Variants in CALN1 observed in about 807,000 individuals in gnomAD.
CALN1 encodes the protein calneuron 1.
Under a neutral mutation model 30.6 loss-of-function variants are expected in CALN1, and 17 were observed. The ratio of observed to expected loss-of-function variants is 0.56; its 90% confidence interval spans 0.38 to 0.83. The LOEUF (loss-of-function observed/expected upper bound fraction) is 0.83, where lower values mean the gene tolerates loss of function less well. CALN1 is among the 40% of genes least tolerant of loss of function. The pLI is 0.00. For missense variants in CALN1, 291 were observed against 354.9 expected (o/e 0.82, Z 1.45); for synonymous variants, 156 against 131.4 (o/e 1.19, Z -1.28).
At position 71,995,173 on chromosome 7, in the gene CALN1, C is replaced by T. The variant is rs115507315; in HGVS notation, c.501+28484G>A. On this transcript the variant is annotated intron_variant, in intron 5 of 6. Transcript: ENST00000395275. Reference sequence around the variant, plus strand: ...GGCGCCCCTTCCTAATTTTTTATTACGCACATGGGTTCTCTACCTGCCCAG... The same window carrying T: ...GGCGCCCCTTCCTAATTTTTTATTATGCACATGGGTTCTCTACCTGCCCAG... Among the ~76,000 whole-genome samples the T allele has an allele frequency of 2.5e-3, 375 of 152,228 alleles. 1 individual carries two copies. Among genetic ancestry groups the T allele is most frequent in the African/African-American group, 8.6e-3 (358 of 41,574 alleles).
chr7:72,419,321 G>A (rs1807534294), intron 1 of CALN1, among the ~76,000 whole-genome samples: 2 of 152,028 alleles, frequency 1.3e-5, no homozygotes, highest in African/African-American at 4.8e-5. Flanking sequence ...ATATCCACTG[G>A]CACAGTCACT....
chr7:72,287,587 C>T (rs1798172539), intron 2 of CALN1, among the ~76,000 whole-genome samples: 1 of 151,796 alleles, frequency 6.6e-6, no homozygotes, highest in Non-Finnish European at 1.5e-5. Flanking sequence ...GCTGGGACTA[C>T]TGGCGCCCGC....
intron 2 of CALN1, among the ~76,000 whole-genome samples, chr7:72,376,503 T>C (rs192051579): frequency 6.6e-6 from 1 of 152,344 alleles, no homozygotes; most frequent in East Asian, 1.9e-4. Flanking sequence ...TGACTACTTG[T>C]GTATCTTCTT....
chr7:72,186,855 TAGTGCTGC>T (rs1320222805), intron 3 of CALN1, among the ~76,000 whole-genome samples: 2 of 149,872 alleles, frequency 1.3e-5, no homozygotes, highest in Non-Finnish European at 1.5e-5. Flanking sequence ...CTATTGTGAA[TAGTGCTGC>T]AATAAACATA....
chr7:72,362,823 A>C (rs1803649071), intron 2 of CALN1, among the ~76,000 whole-genome samples: 3 of 152,158 alleles, frequency 2.0e-5, no homozygotes, highest in African/African-American at 7.2e-5. Context: ...TCCTCGGGCC[A>C]GCATCCATTT....
At chr7:72,327,961 A>G (rs1279040064) in intron 2 of CALN1, among the ~76,000 whole-genome samples, 1 of 152,192 alleles carries the variant, frequency 6.6e-6, no homozygotes, top group African/African-American at 2.4e-5. Flanking sequence ...CAATACCTCA[A>G]ATTCAACAAA....
intron 6 of CALN1, among the ~76,000 whole-genome samples, chr7:71,791,965 C>A (rs778877789): frequency 1.3e-5 from 2 of 151,810 alleles, no homozygotes; most frequent in African/African-American, 2.4e-5. Context: ...GAGCCGAGAT[C>A]GCGCCACTGC....
chr7:72,337,185 C>G, intron 2 of CALN1: 3 of 984,026 alleles, frequency 3.0e-6, no homozygotes, highest in Non-Finnish European at 3.6e-6. Context: ...GCCTCCTCCC[C>G]AGCTCCTCCC....
chr7:71,925,630 T>G (rs1307604279), intron 5 of CALN1, among the ~76,000 whole-genome samples: 4 of 152,156 alleles, frequency 2.6e-5, no homozygotes, highest in African/African-American at 7.2e-5. Flanking sequence ...GACTTCTGGG[T>G]TGACAGATTG....
At chr7:72,490,400 C>T in the CALN1 span, among the ~76,000 whole-genome samples, 37 of 152,292 alleles carry the variant, frequency 2.4e-4, no homozygotes, top group Admixed American at 8.5e-4. Context: ...GTCAGGCAGA[C>T]GCGGATTTTC....
intron 2 of CALN1, among the ~76,000 whole-genome samples, chr7:72,299,305 T>C (rs1799084015): frequency 6.6e-6 from 1 of 152,180 alleles, no homozygotes; most frequent in Admixed American, 6.5e-5. Context: ...GCCCATTATG[T>C]CCACTATTAA....
At chr7:71,800,878 G>A (rs1787258861) in intron 6 of CALN1, among the ~76,000 whole-genome samples, 1 of 152,076 alleles carries the variant, frequency 6.6e-6, no homozygotes, top group Non-Finnish European at 1.5e-5. Flanking sequence ...AGGTAAACGT[G>A]CGCCATGGTG....
chr7:72,191,160 C>A (rs746622507), intron 3 of CALN1, among the ~76,000 whole-genome samples: 2 of 152,140 alleles, frequency 1.3e-5, no homozygotes, highest in East Asian at 3.8e-4. Context: ...TAAAGTCATG[C>A]GAGCAGGCTG....
chr7:72,176,625 G>A (rs1157478511), intron 3 of CALN1, among the ~76,000 whole-genome samples: 2 of 152,080 alleles, frequency 1.3e-5, no homozygotes, highest in African/African-American at 4.8e-5. Context: ...AGCAGATGCA[G>A]GCATCACACT....
intron 5 of CALN1, among the ~76,000 whole-genome samples, chr7:71,970,899 T>C (rs768042641): frequency 2.0e-5 from 3 of 152,102 alleles, no homozygotes; most frequent in Non-Finnish European, 2.9e-5. Flanking sequence ...TTCAGCAAAA[T>C]TGAGAGCCAA....
chr7:72,201,717 T>C (rs1791435499), intron 3 of CALN1, among the ~76,000 whole-genome samples: 1 of 146,532 alleles, frequency 6.8e-6, no homozygotes, highest in South Asian at 2.2e-4. Context: ...AACATACCCA[T>C]GTACAACCTT....
the CALN1 span, among the ~76,000 whole-genome samples, chr7:72,488,620 A>T: frequency 2.6e-5 from 4 of 152,040 alleles, no homozygotes; most frequent in African/African-American, 9.7e-5. Context: ...CTTGGACCAG[A>T]TATCTGATGT....
At chr7:71,811,899 G>A (rs1414984452) in intron 5 of CALN1, among the ~76,000 whole-genome samples, 3 of 150,800 alleles carry the variant, frequency 2.0e-5, no homozygotes, top group Non-Finnish European at 3.0e-5. Context: ...AGCTGGTCTC[G>A]AACTCCTGAC....
intron 5 of CALN1, among the ~76,000 whole-genome samples, chr7:71,819,455 T>G (rs954110201): frequency 2.0e-5 from 3 of 152,070 alleles, no homozygotes; most frequent in Middle Eastern, 3.2e-3. Flanking sequence ...CTGCCCGCCT[T>G]GGCCTCCCAA....
Sources: allele counts gnomAD v4.1 joint callset (sites outside exome capture counted in the v4.1 genomes callset), GRCh38; gene constraint gnomAD v4.1.1; transcripts MANE v1.5; gene names NCBI Gene and HGNC (gene_info 2026-07-23, HGNC 2026-07-21).